HSD11B1: variants seen among roughly 807,000 people sequenced by gnomAD.
HSD11B1 encodes 11-beta-hydroxysteroid dehydrogenase 1.
HSD11B1 carries 15 observed loss-of-function variants against 22.1 expected under a neutral mutation model. The observed-to-expected ratio is 0.68, with a 90% CI of 0.45 to 1.04. HSD11B1 has a LOEUF of 1.04. HSD11B1 is among the 50% of genes least tolerant of loss of function. The probability of loss-of-function intolerance (pLI) is 0.00; values close to 1 mark genes in which losing one functional copy is unlikely to be tolerated. For synonymous variants in HSD11B1, 122 were observed against 125.2 expected (o/e 0.97, Z 0.17); for missense variants, 281 against 357.6 (o/e 0.79, Z 1.73).
intron 4 of HSD11B1, among the ~76,000 whole-genome samples, chr1:209,719,019 C>CAAAAAAAAAA (rs56342028): frequency 0.048 from 1,693 of 35,624 alleles, 343 homozygotes; most frequent in African/African-American, 0.13. Flanking sequence ...GACTCCATCT[C>CAAAAAAAAAA]AAAAAAAAAA....
chr1:209,707,746 T>C (rs1174745305), intron 4 of HSD11B1, among the ~76,000 whole-genome samples: 1 of 152,206 alleles, frequency 6.6e-6, no homozygotes, highest in Non-Finnish European at 1.5e-5. Context: ...AGGTACAGCT[T>C]GTCCTGGTCC....
chr1:209,705,316 C>A (rs1242846069), intron 1 of HSD11B1, among the ~76,000 whole-genome samples: 2 of 137,592 alleles, frequency 1.5e-5, no homozygotes, highest in Non-Finnish European at 3.1e-5. Context: ...GAGTAATACC[C>A]AAATTCACAA....
At chr1:209,727,093 G>A (rs918982997) in intron 4 of HSD11B1, among the ~76,000 whole-genome samples, 1 of 152,164 alleles carries the variant, frequency 6.6e-6, no homozygotes, top group Non-Finnish European at 1.5e-5. Context: ...TATCTGAGAG[G>A]CCCTGAATCC....
At chr1:209,716,314 A>G (rs11119330) in intron 4 of HSD11B1, among the ~76,000 whole-genome samples, 28,964 of 150,336 alleles carry the variant, frequency 0.19, 2,847 homozygotes, top group East Asian at 0.21. Flanking sequence ...AAAAAGAAAA[A>G]CCATTTACAA....
intron 4 of HSD11B1, among the ~76,000 whole-genome samples, chr1:209,727,046 G>A (rs977639594): frequency 6.6e-6 from 1 of 152,148 alleles, no homozygotes; most frequent in Non-Finnish European, 1.5e-5. Flanking sequence ...AGTCCTTGAG[G>A]ATGTAACTAA....
At chr1:209,701,736 A>G (rs1437566482), upstream of HSD11B1, among the ~76,000 whole-genome samples, 1 of 152,242 alleles carries the variant, frequency 6.6e-6, no homozygotes, top group Non-Finnish European at 1.5e-5. Flanking sequence ...TTCATGATCA[A>G]CGTTTTATGC....
chr1:209,700,586 T>C (rs954855237), upstream of HSD11B1, among the ~76,000 whole-genome samples: 14 of 152,210 alleles, frequency 9.2e-5, no homozygotes, highest in African/African-American at 3.1e-4. Flanking sequence ...ATTTTCCTCA[T>C]GGTTTTGGGG....
intron 1 of HSD11B1, among the ~76,000 whole-genome samples, chr1:209,696,582 C>A (rs2076792744): frequency 6.6e-6 from 1 of 151,972 alleles, no homozygotes; most frequent in Admixed American, 6.6e-5. Context: ...GGAATACAGA[C>A]AAAAAATGAG....
chr1:209,706,637 C>T lies in HSD11B1; in HGVS notation c.220-72C>T. 2.1e-6 allele frequency: 2 copies of T among 957,330 alleles called. No individual in the cohort carries two copies. The highest frequency in any genetic ancestry group is 3.4e-6 in the Non-Finnish European group (2 of 582,998). The allele number at this position is 957,330 out of a possible 1,614,324, so 59.3% of individuals were successfully genotyped here. On this transcript the variant is annotated intron_variant, in intron 2 of 5. Transcript: ENST00000367027. This position sits in a 1 kb window ranked among gnomAD's most constrained non-coding sequence, Gnocchi z 4.0. The stretch of plus-strand genomic sequence containing the variant: ...TGTGAGCAATCTCTCATTTAAGCCC[C>T]CCGTTACTTCAGAGACTACCCCCCA...
Position 209,732,502 on chromosome 1 carries a change from C to A in HSD11B1, c.584C>A (p.Ser195Tyr). The A allele has an allele frequency of 6.2e-7, 1 of 1,613,852 alleles. No homozygotes were observed. The highest frequency in any genetic ancestry group is 1.1e-5 in the South Asian group (1 of 91,072). Residue 195 changes from serine to tyrosine, a missense_variant, in exon 5 of 6, where the codon TCC (serine) becomes TAC (tyrosine). By Grantham distance (144) the Ser-to-Tyr change is moderately radical. Transcript: ENST00000367027. ...ASKFALDGFFSSIRKEYSVSR... is the reference protein window; with the variant it reads ...ASKFALDGFFYSIRKEYSVSR... ...AAGTTTGCTTTGGATGGGTTCTTCTCCTCCATCAGAAAGGAATATTCAGTG... is the reference window on the plus strand; with the variant it reads ...AAGTTTGCTTTGGATGGGTTCTTCTACTCCATCAGAAAGGAATATTCAGTG...
intron 1 of HSD11B1, among the ~76,000 whole-genome samples, chr1:209,692,452 T>A (rs10863780): frequency 0.95 from 144,870 of 152,106 alleles, 69,248 homozygotes; most frequent in Middle Eastern, 0.99. Context: ...ATGGAAAATT[T>A]CTAAGAGGAA....
intron 4 of HSD11B1, among the ~76,000 whole-genome samples, chr1:209,710,835 T>G (rs141995551): frequency 2.2e-4 from 33 of 152,350 alleles, no homozygotes; most frequent in African/African-American, 7.0e-4. Context: ...TCCAGTTAAC[T>G]ATTCACTTTT....
rs1278262159 is a variant in HSD11B1, at chr1:209,707,256, G to T, written c.517+128G>T. 4 of 799,162 alleles carry T rather than the reference G, an allele frequency of 5.0e-6. No homozygotes were observed. In the African/African-American group the frequency reaches 5.1e-5, roughly 10 times the overall value. The allele number at this position is 799,162 out of a possible 1,614,324, so 49.5% of individuals were successfully genotyped here. ...AGAGAAGTAATGAGGGATTGGTCAA[G>T]GTAAGTGGGCTACAAAATTCTTTTA... On this transcript the variant is annotated intron_variant, in intron 4 of 5. Transcript: ENST00000367027.
rs765057092 is a variant in HSD11B1 at position 209,707,065 on chromosome 1, G to A, written c.454G>A (p.Val152Ile). ...VNFLSYVVLT[V>I]AALPMLKQSN... ...CTTCCTCAGTTACGTGGTCCTGACTGTAGCTGCCTTGCCCATGCTGAAGCA... is the reference window on the plus strand; with the variant it reads ...CTTCCTCAGTTACGTGGTCCTGACTATAGCTGCCTTGCCCATGCTGAAGCA... Residue 152 changes from valine to isoleucine, a missense_variant, in exon 4 of 6, where the codon GTA becomes ATA. Physicochemically the swap from Val to Ile is conservative, Grantham distance 29 (BLOSUM62 3). Transcript: ENST00000367027. 1 of 1,614,102 alleles carries A rather than the reference G, an allele frequency of 6.2e-7. No homozygotes were observed. The highest frequency in any genetic ancestry group is 8.5e-7 in the Non-Finnish European group (1 of 1,179,996).
intron 4 of HSD11B1, among the ~76,000 whole-genome samples, chr1:209,723,055 G>A (rs1305415523): frequency 6.6e-6 from 1 of 152,012 alleles, no homozygotes; most frequent in Non-Finnish European, 1.5e-5. Flanking sequence ...CGCATTTCTG[G>A]GACAGAGCTA....
At chr1:209,710,880 C>T (rs1047103178) in intron 4 of HSD11B1, among the ~76,000 whole-genome samples, 8 of 152,198 alleles carry the variant, frequency 5.3e-5, no homozygotes, top group African/African-American at 1.9e-4. Context: ...TCAACTTTCC[C>T]TATATATAGA....
chr1:209,702,081 T>G (rs2076829783), upstream of HSD11B1, among the ~76,000 whole-genome samples: 1 of 152,232 alleles, frequency 6.6e-6, no homozygotes, highest in South Asian at 2.1e-4. Context: ...CTGTTCACTG[T>G]TTTTCTATGG....
chr1:209,716,416 A>T (rs2076930706), intron 4 of HSD11B1, among the ~76,000 whole-genome samples: 1 of 152,084 alleles, frequency 6.6e-6, no homozygotes, highest in African/African-American at 2.4e-5. Flanking sequence ...CCCATTAAAG[A>T]AATGGAAAAG....
At chr1:209,719,145 C>T (rs910145526) in intron 4 of HSD11B1, among the ~76,000 whole-genome samples, 1 of 151,814 alleles carries the variant, frequency 6.6e-6, no homozygotes, top group African/African-American at 2.4e-5. Flanking sequence ...TGTTAGCAAC[C>T]CAAGTGTCTA....
Sources: gnomAD v4.1 joint callset for allele counts (sites outside exome capture counted in the v4.1 genomes callset) on GRCh38, gnomAD v4.1.1 for gene constraint, Gnocchi (gnomAD v3.1) non-coding constraint, MANE v1.5 for transcripts, NCBI Gene and HGNC (gene_info 2026-07-23, HGNC 2026-07-21) for gene names.